The following TOX2 variants were observed in gnomAD, a reference collection of about 807,000 sequenced individuals.
TOX2 encodes the protein granulosa cell HMG box 1.
A neutral mutation model predicts 47.4 loss-of-function variants in TOX2; 15 were observed. That is an observed-to-expected ratio of 0.32 (90% CI 0.21 to 0.49). The LOEUF (loss-of-function observed/expected upper bound fraction) is 0.49. TOX2 is among the 20% of genes least tolerant of loss of function. The pLI, the probability that TOX2 is intolerant of heterozygous loss-of-function variation, is 0.99. For synonymous variants in TOX2, 290 were observed against 296.6 expected (o/e 0.98, Z 0.23); for missense variants, 622 against 673.1 (o/e 0.92, Z 0.84).
At chr20:43,923,851 T>C (rs2069137434) in intron 1 of TOX2, among the ~76,000 whole-genome samples, 1 of 152,118 alleles carries the variant, frequency 6.6e-6, no homozygotes, top group African/African-American at 2.4e-5. Flanking sequence ...GAAACGTGCT[T>C]GGGCCGGGGA....
At chr20:44,056,071 C>T (rs989036074) in intron 5 of TOX2, among the ~76,000 whole-genome samples, 3 of 152,094 alleles carry the variant, frequency 2.0e-5, no homozygotes, top group South Asian at 2.1e-4. Flanking sequence ...AGCACAATCC[C>T]GCTGGGAACT....
intron 2 of TOX2, among the ~76,000 whole-genome samples, chr20:43,985,193 G>A (rs997459480): frequency 1.3e-5 from 2 of 152,172 alleles, no homozygotes; most frequent in African/African-American, 4.8e-5. Flanking sequence ...TTGCATCTGT[G>A]AATGGGGATT....
At chr20:44,018,678 G>T (rs1020531345) in intron 3 of TOX2, among the ~76,000 whole-genome samples, 1 of 152,082 alleles carries the variant, frequency 6.6e-6, no homozygotes, top group Non-Finnish European at 1.5e-5. Context: ...TTTAGAACTC[G>T]GAGCCTTTAT....
intron 2 of TOX2, among the ~76,000 whole-genome samples, chr20:43,998,497 T>G (rs10854228): frequency 1.3e-5 from 2 of 152,050 alleles, no homozygotes; most frequent in Non-Finnish European, 2.9e-5. Context: ...CATTTCTATC[T>G]GACTGATTTG....
At chr20:44,063,697 C>T (rs2071760065) in intron 5 of TOX2, among the ~76,000 whole-genome samples, 1 of 151,984 alleles carries the variant, frequency 6.6e-6, no homozygotes, top group Non-Finnish European at 1.5e-5. Context: ...GGAACCAGCC[C>T]AAATGCCCAT....
At chr20:44,056,716 G>A (rs1186737884) in intron 5 of TOX2, among the ~76,000 whole-genome samples, 1 of 152,044 alleles carries the variant, frequency 6.6e-6, no homozygotes, top group African/African-American at 2.4e-5. Flanking sequence ...TAAATGGCTT[G>A]TTTCTCCCCA....
chr20:44,051,493 C>T lies in TOX2; in HGVS notation c.599C>T (p.Thr200Ile), dbSNP rs1055016025. 4.3e-6 allele frequency: 7 copies of T among 1,612,224 alleles called. No homozygotes were observed. The highest frequency in any genetic ancestry group is 5.9e-6 in the Non-Finnish European group (7 of 1,178,932). ...TCACCGCCGGGGAGCAAGTCAGCGA[C>T]CCCCTCTCCCTCCAGCTCCACTCAG... is the stretch of plus-strand genomic sequence containing the variant. The part of the protein sequence containing the change: ...SPSPPGSKSA[T>I]PSPSSSTQEE... The change falls in exon 4 of 9, where the codon ACC (threonine) becomes ATC (isoleucine). Residue 200 changes from threonine (T) to isoleucine (I), a missense_variant. This residue lies in a region of TOX2 where 307 missense variants were observed against 327.3 expected (regional missense o/e 0.94). Transcript: ENST00000341197.
intron 1 of TOX2, among the ~76,000 whole-genome samples, chr20:43,917,398 C>A (rs576326649): frequency 6.6e-6 from 1 of 152,304 alleles, no homozygotes; most frequent in South Asian, 2.1e-4. Context: ...GAAACAGGCT[C>A]AGGGTGCAGT....
At chr20:43,979,358 G>T (rs1391457273) in intron 2 of TOX2, among the ~76,000 whole-genome samples, 1 of 152,194 alleles carries the variant, frequency 6.6e-6, no homozygotes, top group Non-Finnish European at 1.5e-5. Context: ...AGTAGAGGAG[G>T]AGAAGACTGT....
intron 4 of TOX2, among the ~76,000 whole-genome samples, chr20:44,052,098 T>C (rs567687404): frequency 1.4e-4 from 21 of 152,168 alleles, no homozygotes; most frequent in Non-Finnish European, 2.8e-4. Flanking sequence ...CTGACAAAAC[T>C]GTGTGGTCCA....
intron 2 of TOX2, among the ~76,000 whole-genome samples, chr20:43,991,119 G>A (rs2070360324): frequency 6.6e-6 from 1 of 152,104 alleles, no homozygotes; most frequent in Non-Finnish European, 1.5e-5. Flanking sequence ...GTGTAACTGA[G>A]GCCCAGAAAG....
At position 44,007,890 on chromosome 20, in the gene TOX2, T is replaced by A. The variant is rs986411120; in HGVS notation, c.411+1098T>A. Among the ~76,000 whole-genome samples the A allele has an allele frequency of 1.2e-4, 19 of 152,282 alleles. 1 individual carries two copies. Among genetic ancestry groups the A allele is most frequent in the South Asian group, 4.1e-4 (2 of 4,820 alleles). ...ATCTTCAGCCCTAGGCAACCACTAA[T>A]TGACTTTCTGTCTCTATAAATTTGT... On this transcript the variant is annotated intron_variant, in intron 3 of 8. Coordinates refer to ENST00000341197, the MANE Select transcript of TOX2 (RefSeq NM_001098797.2).
rs573424193 is a variant in TOX2, at chr20:43,946,644, C to T, written c.100-26723C>T. ...AAAAAATAACCAGTTGGGATCTCTA[C>T]GCAGCATACTTTCGTAGAAGAAAGG... On this transcript the variant is annotated intron_variant, in intron 1 of 8. Coordinates refer to ENST00000341197, the MANE Select transcript of TOX2 (RefSeq NM_001098797.2). 1.8e-4 allele frequency among the ~76,000 whole-genome samples: 27 copies of T among 152,298 alleles called. 1 individual carries two copies. The highest frequency in any genetic ancestry group is 3.8e-4 in the African/African-American group (16 of 41,568).
chr20:43,966,070 A>G (rs1193143877), intron 1 of TOX2, among the ~76,000 whole-genome samples: 1 of 152,232 alleles, frequency 6.6e-6, no homozygotes, highest in Non-Finnish European at 1.5e-5. Flanking sequence ...CTGTAACATA[A>G]TGCTTAATAA....
At chr20:43,985,341 T>C (rs2070245418) in intron 2 of TOX2, among the ~76,000 whole-genome samples, 1 of 152,170 alleles carries the variant, frequency 6.6e-6, no homozygotes, top group Non-Finnish European at 1.5e-5. Context: ...ACACCAATGC[T>C]GAGAGGGCCC....
At chr20:43,943,083 T>C (rs2069421824) in intron 1 of TOX2, among the ~76,000 whole-genome samples, 2 of 152,100 alleles carry the variant, frequency 1.3e-5, no homozygotes, top group Admixed American at 1.3e-4. Context: ...TTTGCCTTGC[T>C]AAGCCTCAGT....
intron 1 of TOX2, among the ~76,000 whole-genome samples, chr20:43,929,003 C>G (rs1203151849): frequency 8.7e-6 from 1 of 115,554 alleles, no homozygotes; most frequent in Non-Finnish European, 1.6e-5. Flanking sequence ...AAAAAAACAA[C>G]AACAAAAAAA....
intron 1 of TOX2, among the ~76,000 whole-genome samples, chr20:43,938,073 C>T (rs190461220): frequency 1.4e-3 from 212 of 152,330 alleles, no homozygotes; most frequent in African/African-American, 4.8e-3. Context: ...CTGTTAACCT[C>T]AGCACCTTCA....
intron 1 of TOX2, among the ~76,000 whole-genome samples, chr20:43,929,006 C>CAACAACAAA (rs1223379987): frequency 1.0e-4 from 13 of 124,556 alleles, no homozygotes; most frequent in African/African-American, 4.1e-4. Flanking sequence ...AAAACAACAA[C>CAACAACAAA]AAAAAAACTG....
Sources: allele counts gnomAD v4.1 joint callset (sites outside exome capture counted in the v4.1 genomes callset), GRCh38; gene constraint gnomAD v4.1.1; regional missense constraint gnomAD v4.1.1; transcripts MANE v1.5; gene names NCBI Gene and HGNC (gene_info 2026-07-23, HGNC 2026-07-21).